The following NADSYN1 variants were observed in gnomAD, a reference collection of about 807,000 sequenced individuals.
NADSYN1 encodes glutamine-dependent NAD(+) synthetase.
A neutral mutation model predicts 99.3 loss-of-function variants in NADSYN1; 80 were observed. That is an observed-to-expected ratio of 0.81 (90% CI 0.67 to 0.97). NADSYN1 has a LOEUF of 0.97. Ranked by LOEUF, NADSYN1 falls within the 50% of genes least tolerant of loss-of-function variation. The probability of loss-of-function intolerance (pLI) is 0.00; values close to 1 mark genes in which losing one functional copy is unlikely to be tolerated. For missense variants in NADSYN1, 859 were observed against 948.5 expected (o/e 0.91, Z 1.24); for synonymous variants, 385 against 372.1 (o/e 1.03, Z -0.40).
At chr11:71,464,589 T>G (rs56869016) in intron 5 of NADSYN1, 2 of 153,644 alleles carry the variant, frequency 1.3e-5, no homozygotes, top group African/African-American at 4.8e-5. Flanking sequence ...GGTTTTGGGC[T>G]GGGCACGGTG....
intron 15 of NADSYN1, 113 bp from the exon 16 acceptor site, chr11:71,485,429 C>T (rs1848959698): frequency 3.7e-6 from 3 of 807,776 alleles, no homozygotes; most frequent in Admixed American, 2.9e-5. Flanking sequence ...TCCCCGAACG[C>T]TAGAGAGCTC....
At chr11:71,500,637 A>T (rs1456538100) in intron 20 of NADSYN1, among the ~76,000 whole-genome samples, 1 of 152,124 alleles carries the variant, frequency 6.6e-6, no homozygotes. Context: ...TAAGGAAGAG[A>T]TACTGTATCT....
chr11:71,469,137 G>A (rs192617526), intron 5 of NADSYN1, among the ~76,000 whole-genome samples: 52 of 152,038 alleles, frequency 3.4e-4, no homozygotes, highest in African/African-American at 1.2e-3. Flanking sequence ...AGAGCAAAAG[G>A]CCACAAATAG....
At chr11:71,468,836 A>G (rs768808820) in intron 5 of NADSYN1, among the ~76,000 whole-genome samples, 2 of 152,254 alleles carry the variant, frequency 1.3e-5, no homozygotes, top group Non-Finnish European at 1.5e-5. Flanking sequence ...TTTACCAGCA[A>G]CATTCAGTCA....
In NADSYN1 at chr11:71,480,782, G is replaced by A; in HGVS notation, c.901G>A (p.Val301Met). The change falls in exon 11 of 21, where the codon GTG becomes ATG. Residue 301 changes from valine to methionine, a missense_variant. By Grantham distance (21) the Val-to-Met change is conservative (BLOSUM62 1). Transcript: ENST00000319023. ...AASRASPYPR[V>M]KVDFALSCHE... ...CAGCAGGGCGAGCCCCTACCCCAGA[G>A]TGAAGGTGGACTTTGCCCTCTCGTG... 4 of 1,614,168 alleles carry A rather than the reference G, an allele frequency of 2.5e-6. No individual in the cohort carries two copies. The highest frequency in any genetic ancestry group is 1.1e-5 in the South Asian group (1 of 91,088).
intron 16 of NADSYN1, among the ~76,000 whole-genome samples, chr11:71,489,161 C>A (rs1004133930): frequency 6.6e-6 from 1 of 151,772 alleles, no homozygotes; most frequent in African/African-American, 2.4e-5. Context: ...CTTCTAACAA[C>A]ATGATTTCAG....
chr11:71,477,546 G>A (rs1591129267), intron 9 of NADSYN1: 9 of 873,254 alleles, frequency 1.0e-5, no homozygotes, highest in South Asian at 9.9e-5. Flanking sequence ...TCCCACACTC[G>A]TGTTTAGCAA....
In NADSYN1 at chr11:71,478,455, T is replaced by C; in HGVS notation, c.859T>C (p.Ser287Pro). The C allele has an allele frequency of 6.2e-7, 1 of 1,606,550 alleles. No homozygotes were observed. Among genetic ancestry groups the C allele is most frequent in the Middle Eastern group, 1.7e-4 (1 of 6,050 alleles). Residue 287 changes from serine (S) to proline (P), a missense_variant, in exon 10 of 21, where the codon TCT (serine) becomes CCT (proline). Coordinates refer to ENST00000319023, the MANE Select transcript of NADSYN1 (RefSeq NM_018161.5). Reference protein sequence around the residue: ...DVRSYRAEISSRNLAASRASP... With the variant: ...DVRSYRAEISPRNLAASRASP... Reference sequence around the variant, plus strand: ...CCGGAGCTACAGGGCGGAGATTTCATCTCGAAACCTGGCGGTGAGTGCTCC... The same window carrying C: ...CCGGAGCTACAGGGCGGAGATTTCACCTCGAAACCTGGCGGTGAGTGCTCC...
At chr11:71,454,285 C>G (rs1330701738) in intron 1 of NADSYN1, among the ~76,000 whole-genome samples, 1 of 152,210 alleles carries the variant, frequency 6.6e-6, no homozygotes, top group South Asian at 2.1e-4. Flanking sequence ...CATCTTGGCT[C>G]ACTGCAGTCT....
At chr11:71,464,202 C>A in intron 5 of NADSYN1, 60 bp downstream of exon 5, 2 of 1,374,778 alleles carry the variant, frequency 1.5e-6, no homozygotes, top group Non-Finnish European at 2.0e-6. Flanking sequence ...TGTGTGTAGC[C>A]TTGGGTCCTG....
Position 71,473,375 on chromosome 11 carries a change from C to G in NADSYN1, c.548+9C>G. 6.2e-7 allele frequency: 1 copy of G among 1,613,442 alleles called. No homozygotes were observed. Among genetic ancestry groups the G allele is most frequent in the Non-Finnish European group, 8.5e-7 (1 of 1,179,402 alleles). On this transcript the variant is annotated intron_variant, in intron 7 of 20. Transcript: ENST00000319023. ...CTCTGGACACCCCACAGGTCAGCCC[C>G]ATGCCCCTGTGCTGTCTGATCGCCC...
Position 71,490,874 on chromosome 11 carries a change from G to A in NADSYN1, c.1592G>A (p.Cys531Tyr). ...SLLGYLTKYDCSSADINPIGG... is the reference protein window; with the variant it reads ...SLLGYLTKYDYSSADINPIGG... ...CTGGGCTACCTGACCAAGTACGACT[G>A]CTCCAGTGCGGACATCAACCCCATA... Residue 531 changes from cysteine to tyrosine, a missense_variant, in exon 17 of 21, where the codon TGC (cysteine) becomes TAC (tyrosine). Transcript: ENST00000319023. 1 of 1,614,218 alleles carries A rather than the reference G, an allele frequency of 6.2e-7. No homozygotes were observed. Among genetic ancestry groups the A allele is most frequent in the East Asian group, 2.2e-5 (1 of 44,886 alleles).
chr11:71,497,583 T>G lies in NADSYN1; in HGVS notation c.1865T>G (p.Met622Arg), dbSNP rs768855949. 2 of 1,614,108 alleles carry G rather than the reference T, an allele frequency of 1.2e-6. No individual in the cohort carries two copies. Among genetic ancestry groups the G allele is most frequent in the South Asian group, 2.2e-5 (2 of 91,064 alleles). Residue 622 changes from methionine (M) to arginine (R), a missense_variant, in exon 19 of 21, where the codon ATG becomes AGG. By Grantham distance (91) the Met-to-Arg change is moderately conservative (BLOSUM62 -1). Coordinates refer to ENST00000319023, the MANE Select transcript of NADSYN1 (RefSeq NM_018161.5). Reference sequence around the variant, plus strand: ...AGCATGTTCTGCAAACTCCTCGGCATGTGGAGACACATCTGCACCCCGAGA... The same window carrying G: ...AGCATGTTCTGCAAACTCCTCGGCAGGTGGAGACACATCTGCACCCCGAGA... ...PYSMFCKLLG[M>R]WRHICTPRQV...
At chr11:71,475,629 G>A (rs538892763) in intron 9 of NADSYN1, 26 of 190,134 alleles carry the variant, frequency 1.4e-4, no homozygotes, top group African/African-American at 4.7e-4. Context: ...CCAGGTAATC[G>A]TTATCGCCAT....
chr11:71,466,103 G>T (rs1232710237), intron 5 of NADSYN1, among the ~76,000 whole-genome samples: 2 of 152,054 alleles, frequency 1.3e-5, no homozygotes, highest in Non-Finnish European at 2.9e-5. Context: ...TTGATTTGGG[G>T]CTTATATCTA....
At chr11:71,483,193 T>C (rs545341902) in intron 14 of NADSYN1, among the ~76,000 whole-genome samples, 176 bp downstream of exon 14, 2 of 152,280 alleles carry the variant, frequency 1.3e-5, no homozygotes, top group African/African-American at 4.8e-5. Context: ...AATATTCCAC[T>C]GTACGGATAG....
chr11:71,453,984 G>A lies in NADSYN1; in HGVS notation c.85+603G>A, dbSNP rs1297937593. 2.0e-5 allele frequency among the ~76,000 whole-genome samples: 3 copies of A among 152,158 alleles called. No individual in the cohort carries two copies. In the East Asian group the frequency reaches 5.8e-4, roughly 29 times the overall value. On this transcript the variant is annotated intron_variant, in intron 1 of 20. Coordinates refer to ENST00000319023, the MANE Select transcript of NADSYN1 (RefSeq NM_018161.5). The stretch of plus-strand genomic sequence containing the variant: ...GCCGGGCGTGGTGGCCTCGAAGATA[G>A]GGTGTGGTTGTTGAAAGGTCACCAT...
chr11:71,463,510 G>C, intron 4 of NADSYN1, 25 bp downstream of exon 4: 1 of 1,607,106 alleles, frequency 6.2e-7, no homozygotes, highest in Non-Finnish European at 8.5e-7. Flanking sequence ...CCCACCCCGG[G>C]AGGGTGACTG....
chr11:71,485,179 C>A, intron 15 of NADSYN1: 1 of 184,226 alleles, frequency 5.4e-6, no homozygotes. Flanking sequence ...CCCCTTTCTG[C>A]TGTGCCTGGG....
Sources: gnomAD v4.1 joint callset for allele counts (sites outside exome capture counted in the v4.1 genomes callset) on GRCh38, gnomAD v4.1.1 for gene constraint, MANE v1.5 for transcripts, NCBI Gene and HGNC (gene_info 2026-07-23, HGNC 2026-07-21) for gene names.